The following ZNF292 variants were observed in gnomAD, a reference collection of about 807,000 sequenced individuals.
The protein encoded by ZNF292 is 16 zinc-finger domain protein.
In ZNF292, 26 loss-of-function variants were observed where a neutral mutation model predicts 217.9. That is an observed-to-expected ratio of 0.12 (90% CI 0.09 to 0.17). The LOEUF (loss-of-function observed/expected upper bound fraction) is 0.17. ZNF292 is among the 10% of genes least tolerant of loss of function. The probability of loss-of-function intolerance (pLI) is 1.00; values close to 1 mark genes in which losing one functional copy is unlikely to be tolerated. For missense variants in ZNF292, 2,904 were observed against 3,175.2 expected (o/e 0.91, Z 2.05); for synonymous variants, 1,257 against 1,124.1 (o/e 1.12, Z -2.37).
In ZNF292 at chr6:87,256,087, T is replaced by G. The variant is rs746929340; in HGVS notation, c.2458T>G (p.Ser820Ala). 1.2e-6 allele frequency: 2 copies of G among 1,613,136 alleles called. No homozygotes were observed. The highest frequency in any genetic ancestry group is 8.5e-7 in the Non-Finnish European group (1 of 1,179,564). The change falls in exon 8 of 8, where the codon TCT becomes GCT. Residue 820 changes from serine (S) to alanine (A), a missense_variant. Around this residue, in one of 15 missense-constraint regions of ZNF292, gnomAD observed 687 missense variants for 623.0 expected, o/e 1.10. Transcript: ENST00000369577. Reference protein sequence around the residue: ...KFTGCGKVYRSQGELEKHLDD... With the variant: ...KFTGCGKVYRAQGELEKHLDD... The stretch of plus-strand genomic sequence containing the variant: ...CACAGGTTGTGGTAAAGTTTATCGT[T>G]CTCAGGGTGAGCTGGAAAAGCATCT...
At chr6:87,209,104 AC>A (rs5878022) in intron 1 of ZNF292, among the ~76,000 whole-genome samples, 81,465 of 137,394 alleles carry the variant, frequency 0.59, 25,096 homozygotes, top group African/African-American at 0.76. Context: ...CCCCACTTTC[AC>A]CCCCCCCTCC....
chr6:87,197,834 A>G (rs529119048), intron 1 of ZNF292, among the ~76,000 whole-genome samples: 2 of 152,090 alleles, frequency 1.3e-5, no homozygotes, highest in South Asian at 2.1e-4. Flanking sequence ...CTAGCTTTCA[A>G]CAGTAGGTGT....
At chr6:87,157,842 C>T (rs969408716) in intron 1 of ZNF292, among the ~76,000 whole-genome samples, 1 of 152,140 alleles carries the variant, frequency 6.6e-6, no homozygotes, top group African/African-American at 2.4e-5. Flanking sequence ...GCGTGCGCCA[C>T]CAAGCCCAGC....
intron 1 of ZNF292, among the ~76,000 whole-genome samples, chr6:87,196,151 G>A (rs1322682465): frequency 6.6e-6 from 1 of 152,114 alleles, no homozygotes; most frequent in African/African-American, 2.4e-5. Flanking sequence ...TATGGAACAA[G>A]CATCTCTTCT....
rs757272209 is a variant in ZNF292 at position 87,256,625 on chromosome 6, A to G, written c.2996A>G (p.His999Arg). The change falls in exon 8 of 8, where the codon CAT (histidine) becomes CGT (arginine). Residue 999 changes from histidine (H) to arginine (R), a missense_variant. Physicochemically the swap from His to Arg is conservative, Grantham distance 29. Transcript: ENST00000369577. ...GAACAAGATTGCTTTAATGATGCCCATGTTACTCAGAATTCTTTAGTAAAT... is the reference window on the plus strand; with the variant it reads ...GAACAAGATTGCTTTAATGATGCCCGTGTTACTCAGAATTCTTTAGTAAAT... ...RKEQDCFNDA[H>R]VTQNSLVNSE... 6.2e-7 allele frequency: 1 copy of G among 1,613,694 alleles called. No homozygotes were observed. Among genetic ancestry groups the G allele is most frequent in the South Asian group, 1.1e-5 (1 of 91,080 alleles).
intron 3 of ZNF292, among the ~76,000 whole-genome samples, chr6:87,218,355 G>A (rs1317025703): frequency 1.3e-5 from 2 of 151,700 alleles, no homozygotes; most frequent in East Asian, 3.9e-4. Context: ...TAGATTTTGG[G>A]GAAGAAAAAA....
Position 87,216,280 on chromosome 6 carries a change from C to A in ZNF292, c.324-19C>A, listed in dbSNP as rs372438707. ...ATTTTAATAATTATTCCTCTCCTTA[C>A]CAACTTTTTGTTTTTTAGAAGCTGT... On this transcript the variant is annotated intron_variant, in intron 2 of 7. Coordinates refer to ENST00000369577, the MANE Select transcript of ZNF292 (RefSeq NM_015021.3). 27 of 1,555,986 alleles carry A rather than the reference C, an allele frequency of 1.7e-5. No individual in the cohort carries two copies. In the South Asian group the frequency reaches 2.1e-4, roughly 12 times the overall value.
intron 4 of ZNF292, among the ~76,000 whole-genome samples, chr6:87,226,960 G>A (rs1204234290): frequency 6.6e-6 from 1 of 152,016 alleles, no homozygotes. Context: ...GATTACAAAC[G>A]TGTGCCACCA....
intron 4 of ZNF292, among the ~76,000 whole-genome samples, chr6:87,230,225 A>G (rs1215170521): frequency 6.6e-6 from 1 of 152,098 alleles, no homozygotes; most frequent in East Asian, 1.9e-4. Context: ...ACAGCTAGTC[A>G]AAGATGCTGC....
At chr6:87,235,942 C>T (rs1387268014) in intron 5 of ZNF292, among the ~76,000 whole-genome samples, 2 of 151,990 alleles carry the variant, frequency 1.3e-5, no homozygotes, top group African/African-American at 4.8e-5. Flanking sequence ...GTTAAAAGTC[C>T]CTTGTTACAA....
At chr6:87,199,098 C>A (rs1772037552) in intron 1 of ZNF292, among the ~76,000 whole-genome samples, 1 of 152,204 alleles carries the variant, frequency 6.6e-6, no homozygotes, top group African/African-American at 2.4e-5. Context: ...TCCAAAGTGA[C>A]TGTGCCATTT....
chr6:87,256,680 C>G lies in ZNF292; in HGVS notation c.3051C>G (p.Thr1017=), dbSNP rs748571596. 7 of 1,613,172 alleles carry G rather than the reference C, an allele frequency of 4.3e-6. No individual in the cohort carries two copies. In the African/African-American group the frequency reaches 9.3e-5, roughly 22 times the overall value. Residue 1017 remains threonine, a synonymous_variant, in exon 8 of 8, where the codon ACC becomes ACG. Transcript: ENST00000369577. ...AAACTCTCAAAATAGGTGACCTTAC[C>G]CCACAAAACTTAGAAAGACAAGTGA... ...NSETLKIGDL[T]PQNLERQVNN...
chr6:87,223,456 G>A (rs1169092525), intron 4 of ZNF292: 1 of 152,194 alleles, frequency 6.6e-6, no homozygotes, highest in East Asian at 1.9e-4. Context: ...CCACTGTGAA[G>A]TTACTCTTTT....
At chr6:87,254,512 G>A (rs528489871) in intron 7 of ZNF292, 138 bp from the exon 8 acceptor site, 28 of 785,818 alleles carry the variant, frequency 3.6e-5, no homozygotes, top group Admixed American at 1.9e-4. Context: ...AAGCTGCAGT[G>A]CTTTAGAAGG....
intron 5 of ZNF292, among the ~76,000 whole-genome samples, chr6:87,239,167 C>T (rs1477048143): frequency 2.0e-5 from 3 of 152,236 alleles, no homozygotes; most frequent in Non-Finnish European, 2.9e-5. Context: ...CCATCGTCAT[C>T]ATGGCCCGTT....
In ZNF292 at chr6:87,166,608, T is replaced by C. The variant is rs573790751; in HGVS notation, c.168+10849T>C. On this transcript the variant is annotated intron_variant, in intron 1 of 7. Coordinates refer to ENST00000369577, the MANE Select transcript of ZNF292 (RefSeq NM_015021.3). ...TTTCCAAGTATACCCTTCTCTGGTC[T>C]GCACTTGCTCTGAGAGTTACTTTTG... is the stretch of plus-strand genomic sequence containing the variant. 2.0e-5 allele frequency among the ~76,000 whole-genome samples: 3 copies of C among 152,360 alleles called. No individual in the cohort carries two copies. In the South Asian group the frequency reaches 6.2e-4, roughly 32 times the overall value.
chr6:87,198,813 T>C (rs9344690), intron 1 of ZNF292, among the ~76,000 whole-genome samples: 96,010 of 152,096 alleles, frequency 0.63, 31,911 homozygotes, highest in African/African-American at 0.85. Flanking sequence ...TGAATATTCT[T>C]ACTAAATGGG....
Position 87,261,462 on chromosome 6 carries a change from C to T in ZNF292, c.7833C>T (p.Asp2611=). 1 of 1,605,026 alleles carries T rather than the reference C, an allele frequency of 6.2e-7. No homozygotes were observed. Among genetic ancestry groups the T allele is most frequent in the African/African-American group, 1.3e-5 (1 of 74,832 alleles). Residue 2611 remains aspartate, a synonymous_variant, in exon 8 of 8, where the codon GAC becomes GAT. Transcript: ENST00000369577. ...CAGTGAAGCAGAAGAAAAATACTGA[C>T]AAAGACCATCCGAATACTGGAAACA... ...ESAVKQKKNT[D]KDHPNTGNKK... is the part of the protein sequence containing the mutation.
At position 87,265,575 on chromosome 6, in the gene ZNF292, A is replaced by G. The variant is rs1244009602; in HGVS notation, c.*3774A>G. ...ATTAAAGACAAAAGTTCTACTGTAA[A>G]TATGTAAAAAGTTGAAAGGGAATTT... On this transcript the variant is annotated 3_prime_UTR_variant, in exon 8 of 8. Coordinates refer to ENST00000369577, the MANE Select transcript of ZNF292 (RefSeq NM_015021.3). Among the ~76,000 whole-genome samples the G allele has an allele frequency of 6.6e-6, 1 of 152,224 alleles. No homozygotes were observed. Among genetic ancestry groups the G allele is most frequent in the African/African-American group, 2.4e-5 (1 of 41,466 alleles).
Sources: allele counts gnomAD v4.1 joint callset (sites outside exome capture counted in the v4.1 genomes callset), GRCh38; gene constraint gnomAD v4.1.1; regional missense constraint gnomAD v4.1.1; transcripts MANE v1.5; gene names NCBI Gene and HGNC (gene_info 2026-07-23, HGNC 2026-07-21).